Variants in USP34 observed in about 807,000 individuals in gnomAD.
The protein encoded by USP34 is ubiquitin specific peptidase 34.
In USP34, 70 loss-of-function variants were observed where a neutral mutation model predicts 460.3. The observed-to-expected ratio is 0.15, with a 90% CI of 0.13 to 0.19. USP34 has a LOEUF of 0.19. USP34 is among the 10% of genes least tolerant of loss of function. The pLI, the probability that USP34 is intolerant of heterozygous loss-of-function variation, is 1.00. For synonymous variants in USP34, 1,647 were observed against 1,405.3 expected (o/e 1.17, Z -3.85); for missense variants, 3,985 against 4,236.2 (o/e 0.94, Z 1.65).
At chr2:61,226,324 C>T (rs1427155287) in intron 62 of USP34, among the ~76,000 whole-genome samples, 1 of 152,236 alleles carries the variant, frequency 6.6e-6, no homozygotes, top group Non-Finnish European at 1.5e-5. Context: ...ATGCACACGT[C>T]TGTGAATGAC....
At chr2:61,398,741 T>C (rs1049508233) in intron 3 of USP34, among the ~76,000 whole-genome samples, 4 of 152,304 alleles carry the variant, frequency 2.6e-5, no homozygotes, top group Non-Finnish European at 5.9e-5. Flanking sequence ...ATATTTAAGT[T>C]ACACTGCTGA....
chr2:61,235,328 CTTTTTTTTT>C (rs10537200), intron 57 of USP34, among the ~76,000 whole-genome samples: 2 of 123,404 alleles, frequency 1.6e-5, no homozygotes, highest in African/African-American at 6.2e-5. Context: ...ATTTTTTTTT[CTTTTTTTTT>C]TTTTTTTGAG....
rs35618230 is a variant in USP34 at position 61,268,438 on chromosome 2, TAAAAAAAA to T, written c.5434-2279_5434-2272del. 9.0e-4 allele frequency among the ~76,000 whole-genome samples: 48 copies of T among 53,416 alleles called. 1 individual carries two copies. Among genetic ancestry groups the T allele is most frequent in the African/African-American group, 3.0e-3 (41 of 13,464 alleles). The allele number at this position is 53,416 out of a possible 152,430, so 35.0% of individuals were successfully genotyped here. Reference sequence around the variant, plus strand: ...TTTGAGTTCATGCAAGAGCTGTTGTTAAAAAAAAAAAAAAAAAAAAAAAAAAAAAAGTG... The same window carrying T: ...TTTGAGTTCATGCAAGAGCTGTTGTTAAAAAAAAAAAAAAAAAAAAAAGTG... On this transcript the variant is annotated intron_variant, in intron 41 of 79. Transcript: ENST00000398571.
At position 61,190,254 on chromosome 2, in the gene USP34, C is replaced by T. The variant is rs1686593664; in HGVS notation, c.9873+17G>A. Reference sequence around the variant, plus strand: ...ACAGTTTAAAAGTGTGTGCCGCCGCCTCTGCATAGTTCTTACCCCATTTAA... The same window carrying T: ...ACAGTTTAAAAGTGTGTGCCGCCGCTTCTGCATAGTTCTTACCCCATTTAA... On this transcript the variant is annotated intron_variant, in intron 78 of 79. Transcript: ENST00000398571. 6.3e-7 allele frequency: 1 copy of T among 1,597,280 alleles called. No individual in the cohort carries two copies. The highest frequency in any genetic ancestry group is 1.7e-4 in the Middle Eastern group (1 of 5,964).
chr2:61,303,073 G>GTT (rs767004943), intron 27 of USP34, among the ~76,000 whole-genome samples: 1 of 147,772 alleles, frequency 6.8e-6, no homozygotes, highest in African/African-American at 2.5e-5. Flanking sequence ...ATTATTGTAA[G>GTT]TTTTTTTTTT....
Position 61,281,159 on chromosome 2 carries a change from A to G in USP34, c.5082T>C (p.Ser1694=). Residue 1694 remains serine, a synonymous_variant, in exon 38 of 80, where the codon TCT becomes TCC. Coordinates refer to ENST00000398571, the MANE Select transcript of USP34 (RefSeq NM_014709.4). The part of the protein sequence containing the change: ...GLDGGDSINR[S]FLLLAASTLL... ...ATGTTGAGGCAGCCAATAGCAGAAA[A>G]GAACGATTGATTGAGTCTCCTCCAT... is the stretch of plus-strand genomic sequence containing the variant. The G allele has an allele frequency of 6.2e-7, 1 of 1,614,052 alleles. No individual in the cohort carries two copies. Among genetic ancestry groups the G allele is most frequent in the Non-Finnish European group, 8.5e-7 (1 of 1,179,954 alleles).
intron 66 of USP34, 63 bp from the exon 67 acceptor site, chr2:61,220,520 C>G (rs1687529541): frequency 1.4e-6 from 2 of 1,456,946 alleles, no homozygotes; most frequent in Non-Finnish European, 1.8e-6. Flanking sequence ...CTTTTACTTA[C>G]TTTTTGTATA....
chr2:61,293,311 AGTTT>A (rs1689919667), intron 33 of USP34, among the ~76,000 whole-genome samples, 149 bp downstream of exon 33: 1 of 152,204 alleles, frequency 6.6e-6, no homozygotes, highest in African/African-American at 2.4e-5. Context: ...ATTCCTAATT[AGTTT>A]ATCAAACTGT....
In USP34 at chr2:61,257,206, G is replaced by T. The variant is rs773718293; in HGVS notation, c.5989C>A (p.Leu1997Met). ...CTTTTCAGTATTCTGATACTAACCA[G>T]TTCGGGAGACATTTCTTCGATTTTG... The part of the protein sequence containing the change: ...ITKIEEMSPE[L>M]KNTVKSLFGG... The change falls in exon 45 of 80, where the codon CTG becomes ATG. Residue 1997 changes from leucine (L) to methionine (M), a missense_variant and splice_region_variant. Around this residue, in one of 14 missense-constraint regions of USP34, gnomAD observed 145 missense variants for 291.6 expected, o/e 0.50. Coordinates refer to ENST00000398571, the MANE Select transcript of USP34 (RefSeq NM_014709.4). The T allele has an allele frequency of 1.2e-6, 2 of 1,607,966 alleles. No individual in the cohort carries two copies. Among genetic ancestry groups the T allele is most frequent in the Non-Finnish European group, 1.7e-6 (2 of 1,177,480 alleles).
chr2:61,351,146 G>A (rs1691931629), intron 10 of USP34, among the ~76,000 whole-genome samples: 1 of 152,118 alleles, frequency 6.6e-6, no homozygotes. Flanking sequence ...AAGATCTCTT[G>A]ATTCCAATGG....
At chr2:61,369,473 T>C (rs1421002887) in intron 10 of USP34, among the ~76,000 whole-genome samples, 2 of 151,716 alleles carry the variant, frequency 1.3e-5, no homozygotes, top group African/African-American at 4.8e-5. Context: ...CGAAACCTTA[T>C]CTCTACTAAA....
At chr2:61,370,993 A>G (rs980158324) in intron 8 of USP34, among the ~76,000 whole-genome samples, 2 of 152,206 alleles carry the variant, frequency 1.3e-5, no homozygotes, top group Non-Finnish European at 2.9e-5. Flanking sequence ...ATGAACAACA[A>G]AAGAATTATC....
intron 59 of USP34, 119 bp from the exon 60 acceptor site, chr2:61,229,114 C>A (rs575572258): frequency 3.0e-4 from 212 of 716,820 alleles, no homozygotes; most frequent in Non-Finnish European, 4.1e-4. Flanking sequence ...ATATGAACCG[C>A]AATAACTTAA....
chr2:61,276,823 AAC>A (rs1051307434), intron 41 of USP34, among the ~76,000 whole-genome samples: 117 of 152,336 alleles, frequency 7.7e-4, no homozygotes, highest in African/African-American at 2.7e-3. Flanking sequence ...AAAGATTTCA[AAC>A]AGATAAGACT....
intron 1 of USP34, among the ~76,000 whole-genome samples, chr2:61,464,717 CAAAAAAAAAA>C (rs35331685): frequency 5.1e-5 from 4 of 77,996 alleles, no homozygotes; most frequent in African/African-American, 1.0e-4. Context: ...GACTCCGTCT[CAAAAAAAAAA>C]AAAAAAAAAA....
intron 2 of USP34, among the ~76,000 whole-genome samples, chr2:61,410,950 G>A (rs1032766409): frequency 2.0e-5 from 3 of 151,850 alleles, no homozygotes; most frequent in Admixed American, 6.6e-5. Context: ...AAAATAAGAC[G>A]ACTAATGAAA....
At chr2:61,196,299 C>T (rs1466794149) in intron 75 of USP34, among the ~76,000 whole-genome samples, 1 of 149,746 alleles carries the variant, frequency 6.7e-6, no homozygotes, top group Non-Finnish European at 1.5e-5. Flanking sequence ...ACTGTGTTAG[C>T]CAGGATAGTC....
intron 8 of USP34, among the ~76,000 whole-genome samples, chr2:61,377,415 A>G (rs1692829965): frequency 6.6e-6 from 1 of 152,150 alleles, no homozygotes; most frequent in Non-Finnish European, 1.5e-5. Flanking sequence ...TGGAATACAT[A>G]TATTTCTCAG....
At chr2:61,269,364 C>A (rs1171412247) in intron 41 of USP34, among the ~76,000 whole-genome samples, 1 of 149,590 alleles carries the variant, frequency 6.7e-6, no homozygotes, top group Non-Finnish European at 1.5e-5. Flanking sequence ...CAGGGTTTCA[C>A]CAGGTTACCC....
Sources: allele counts gnomAD v4.1 joint callset (sites outside exome capture counted in the v4.1 genomes callset), GRCh38; gene constraint gnomAD v4.1.1; regional missense constraint gnomAD v4.1.1; transcripts MANE v1.5; gene names NCBI Gene and HGNC (gene_info 2026-07-23, HGNC 2026-07-21).